The following POU4F3 variants were observed in gnomAD, a reference collection of about 807,000 sequenced individuals.
POU4F3 encodes the protein POU domain, class 4, transcription factor 3.
POU4F3 carries 7 observed loss-of-function variants against 22.0 expected under a neutral mutation model. The ratio of observed to expected loss-of-function variants is 0.32; its 90% confidence interval spans 0.18 to 0.60. The LOEUF (loss-of-function observed/expected upper bound fraction) is 0.60, where lower values mean the gene tolerates loss of function less well. Among genes scored for constraint, POU4F3 ranks in the 20% least tolerant of loss-of-function variants. The pLI is 0.85. For synonymous variants in POU4F3, 220 were observed against 194.5 expected (o/e 1.13, Z -1.09); for missense variants, 457 against 467.4 (o/e 0.98, Z 0.21).
chr5:146,339,942 C>T lies in POU4F3; in HGVS notation c.515C>T (p.Ala172Val), dbSNP rs766501773. Residue 172 changes from alanine (A) to valine (V), a missense_variant, in exon 2 of 2, where the codon GCC becomes GTC. This residue lies in a region of POU4F3 where 410 missense variants were observed against 385.0 expected (regional missense o/e 1.06). Transcript: ENST00000646991. The surrounding 1 kb of genome is among the most constrained non-coding windows in gnomAD (Gnocchi z 4.7). ...SHPHTVAPHS[A>V]MPACLSDVES... ...CCGCACACCGTGGCCCCTCATAGCG[C>T]CATGCCTGCATGCCTCAGCGACGTG... The T allele has an allele frequency of 3.7e-6, 6 of 1,610,878 alleles. No individual in the cohort carries two copies. The East Asian group carries it at 1.3e-4, about 36-fold the overall frequency.
chr5:146,340,643 T>A lies in POU4F3; in HGVS notation c.*199T>A, dbSNP rs1184762828. ...TTCCTTTCTATTCCCACCAAAAAAA[T>A]TTTGGCGCTGGGAAAATATTGCAGA... On this transcript the variant is annotated 3_prime_UTR_variant, in exon 2 of 2. Transcript: ENST00000646991. 4.1e-6 allele frequency: 3 copies of A among 727,288 alleles called. No homozygotes were observed. The highest frequency in any genetic ancestry group is 4.5e-6 in the Non-Finnish European group (2 of 448,726). The allele number at this position is 727,288 out of a possible 1,614,324, so 45.1% of individuals were successfully genotyped here.
At position 146,340,208 on chromosome 5, in the gene POU4F3, GAGA is replaced by G. The variant is rs754113627; in HGVS notation, c.786_788del (p.Lys262del). 16 of 1,614,180 alleles carry G rather than the reference GAGA, an allele frequency of 9.9e-6. No homozygotes were observed. The highest frequency in any genetic ancestry group is 3.3e-5 in the South Asian group (3 of 91,084). ...GGAGGAGGCCGAGGCCGCCTACCGAGAGAAGAACAGCAAGCCAGAGCTCTTCAA... is the reference window on the plus strand; with the variant it reads ...GGAGGAGGCCGAGGCCGCCTACCGAGAGAACAGCAAGCCAGAGCTCTTCAA... On this transcript the variant is annotated inframe_deletion, in exon 2 of 2. Transcript: ENST00000646991.
chr5:146,339,281 C>A lies in POU4F3; in HGVS notation c.120+49C>A. The A allele has an allele frequency of 1.2e-6, 2 of 1,612,054 alleles. No homozygotes were observed. Among genetic ancestry groups the A allele is most frequent in the Non-Finnish European group, 1.7e-6 (2 of 1,178,370 alleles). ...GCTCTAAGGCACATTTTTTGACAGG[C>A]ACTAGCTTCATGTTTTTTTCATGTC... On this transcript the variant is annotated intron_variant, in intron 1 of 1. Coordinates refer to ENST00000646991, the MANE Select transcript of POU4F3 (RefSeq NM_002700.3). This position sits in a 1 kb window ranked among gnomAD's most constrained non-coding sequence, Gnocchi z 4.7.
rs780488033 is a variant in POU4F3 at position 146,340,457 on chromosome 5, G to A, written c.*13G>A. ...GGCTGTCCACTGATTGCGGCAGGGC[G>A]CAGCGTCGGGAGCCGGGAGAGCCTA... is the stretch of plus-strand genomic sequence containing the variant. On this transcript the variant is annotated 3_prime_UTR_variant, in exon 2 of 2. Coordinates refer to ENST00000646991, the MANE Select transcript of POU4F3 (RefSeq NM_002700.3). 42 of 1,613,472 alleles carry A rather than the reference G, an allele frequency of 2.6e-5. 2 individuals are homozygous for A. The South Asian group carries it at 3.6e-4, about 14-fold the overall frequency.
rs1760416113 is a variant in POU4F3 at position 146,339,405 on chromosome 5, C to T, written c.121-143C>T. The T allele has an allele frequency of 1.4e-6, 2 of 1,481,160 alleles. No individual in the cohort carries two copies. The highest frequency in any genetic ancestry group is 1.9e-6 in the Non-Finnish European group (2 of 1,074,476). 91.8% of individuals were successfully genotyped at this position (1,481,160 alleles called of 1,614,324 possible). On this transcript the variant is annotated intron_variant, in intron 1 of 1. Transcript: ENST00000646991. The surrounding 1 kb of genome is among the most constrained non-coding windows in gnomAD (Gnocchi z 4.7). ...TCATTCATGTCTCTGATCCACACGT[C>T]TGTTCCAGCAGAGCCGCTGCCTCCG...
Position 146,339,531 on chromosome 5 carries a change from C to T in POU4F3, c.121-17C>T, listed in dbSNP as rs769936433. The T allele has an allele frequency of 2.5e-5, 41 of 1,614,120 alleles. No homozygotes were observed. Among genetic ancestry groups the T allele is most frequent in the Non-Finnish European group, 3.1e-5 (36 of 1,179,982 alleles). Reference sequence around the variant, plus strand: ...AGTATTCCCTACTGACCGTGCTGTGCGCCTTCTCGCTTGCAGCTGCAGGGT... The same window carrying T: ...AGTATTCCCTACTGACCGTGCTGTGTGCCTTCTCGCTTGCAGCTGCAGGGT... On this transcript the variant is annotated splice_polypyrimidine_tract_variant and intron_variant, in intron 1 of 1. Transcript: ENST00000646991. The surrounding 1 kb of genome is among the most constrained non-coding windows in gnomAD (Gnocchi z 4.7).
rs977319468 is a variant in POU4F3 at position 146,339,229 on chromosome 5, G to T, written c.117G>T (p.Pro39=). ...TGCGCCGAGTCTGTCTCCCAGCCCC[G>T]CAGGTACGTAGTGGAGCATAATTAC... ...EAMRRVCLPA[P]QLQGNIFGSF... The change falls in exon 1 of 2, where the codon CCG becomes CCT. Residue 39 remains proline, a synonymous_variant. Coordinates refer to ENST00000646991, the MANE Select transcript of POU4F3 (RefSeq NM_002700.3). The surrounding 1 kb of genome is among the most constrained non-coding windows in gnomAD (Gnocchi z 4.7). 3.7e-6 allele frequency: 6 copies of T among 1,614,080 alleles called. No individual in the cohort carries two copies. The highest frequency in any genetic ancestry group is 2.7e-5 in the African/African-American group (2 of 74,938).
chr5:146,340,483 GTGCTCA>G lies in POU4F3; in HGVS notation c.*41_*46del. The G allele has an allele frequency of 6.2e-7, 1 of 1,612,094 alleles. No individual in the cohort carries two copies. Among genetic ancestry groups the G allele is most frequent in the Non-Finnish European group, 8.5e-7 (1 of 1,179,642 alleles). On this transcript the variant is annotated 3_prime_UTR_variant, in exon 2 of 2. Transcript: ENST00000646991. ...CAGCGTCGGGAGCCGGGAGAGCCTAGTGCTCATCCCTCCCGGGTTCGGGGGATGGTT... is the reference window on the plus strand; with the variant it reads ...CAGCGTCGGGAGCCGGGAGAGCCTAGTCCCTCCCGGGTTCGGGGGATGGTT...
chr5:146,339,302 A>G lies in POU4F3; in HGVS notation c.120+70A>G, dbSNP rs1188028817. On this transcript the variant is annotated intron_variant, in intron 1 of 1. Transcript: ENST00000646991. The surrounding 1 kb of genome is among the most constrained non-coding windows in gnomAD (Gnocchi z 4.7). ...CAGGCACTAGCTTCATGTTTTTTTC[A>G]TGTCGCCCAGAACAATCGCCGCTGT... 1.2e-6 allele frequency: 2 copies of G among 1,604,850 alleles called. No homozygotes were observed. Among genetic ancestry groups the G allele is most frequent in the South Asian group, 2.2e-5 (2 of 90,756 alleles).
rs1760409809 is a variant in POU4F3 at position 146,339,109 on chromosome 5, G to A, written c.-4G>A. On this transcript the variant is annotated 5_prime_UTR_variant, in exon 1 of 2. Transcript: ENST00000646991. The surrounding 1 kb of genome is among the most constrained non-coding windows in gnomAD (Gnocchi z 4.7). ...CCCGCTGCCACCCTGCCAGGAGCGC[G>A]AAGATGATGGCCATGAACTCCAAGC... 5.0e-6 allele frequency: 8 copies of A among 1,614,094 alleles called. No individual in the cohort carries two copies. In the East Asian group the frequency reaches 1.8e-4, roughly 36 times the overall value.
chr5:146,338,891 C>T lies in POU4F3; in HGVS notation c.-222C>T. 1 of 722,540 alleles carries T rather than the reference C, an allele frequency of 1.4e-6. No individual in the cohort carries two copies. Among genetic ancestry groups the T allele is most frequent in the Non-Finnish European group, 2.3e-6 (1 of 434,134 alleles). The allele number at this position is 722,540 out of a possible 1,614,324, so 44.8% of individuals were successfully genotyped here. ...CTGTCTCTCCTCACCTCCCGGGCCG[C>T]CCCTGCGAGTCCCCGGCGCGTGAGC... On this transcript the variant is annotated 5_prime_UTR_variant, in exon 1 of 2. Transcript: ENST00000646991.
At position 146,338,936 on chromosome 5, in the gene POU4F3, C is replaced by A. The variant is rs1476301409; in HGVS notation, c.-177C>A. On this transcript the variant is annotated 5_prime_UTR_variant, in exon 1 of 2. Transcript: ENST00000646991. ...GTGAGCACGCCTGCGCGCGCCCGGG[C>A]CCTTCCTGGCAGGCTGCTTGTAAGA... The A allele has an allele frequency of 4.7e-6, 5 of 1,070,322 alleles. No individual in the cohort carries two copies. Among genetic ancestry groups the A allele is most frequent in the Non-Finnish European group, 6.8e-6 (5 of 730,898 alleles). The allele number at this position is 1,070,322 out of a possible 1,614,324, so 66.3% of individuals were successfully genotyped here. A position where few individuals can be genotyped will look rare whatever the true frequency, so the allele number is the denominator to read the frequency against.
In POU4F3 at chr5:146,339,825, G is replaced by A. The variant is rs1760424535; in HGVS notation, c.398G>A (p.Gly133Asp). ...ISPTLSVSGL[G>D]APEHSVMPAQ... ...CCCACGCTGAGTGTGAGCGGCCTGG[G>A]CGCTCCGGAACACTCGGTGATGCCC... Residue 133 changes from glycine to aspartate, a missense_variant, in exon 2 of 2, where the codon GGC becomes GAC. Around this residue, in one of 2 missense-constraint regions of POU4F3, gnomAD observed 410 missense variants for 385.0 expected, o/e 1.06. Transcript: ENST00000646991. The surrounding 1 kb of genome is among the most constrained non-coding windows in gnomAD (Gnocchi z 4.7). The A allele has an allele frequency of 6.2e-7, 1 of 1,609,260 alleles. No homozygotes were observed. Among genetic ancestry groups the A allele is most frequent in the East Asian group, 2.2e-5 (1 of 44,864 alleles).
chr5:146,340,024 C>G lies in POU4F3; in HGVS notation c.597C>G (p.Ile199Met). Reference protein sequence around the residue: ...AFAERFKQRRIKLGVTQADVG... With the variant: ...AFAERFKQRRMKLGVTQADVG... ...CCGAGCGCTTCAAGCAGCGGCGCAT[C>G]AAGCTGGGGGTGACCCAGGCGGACG... Residue 199 changes from isoleucine to methionine, a missense_variant, in exon 2 of 2, where the codon ATC becomes ATG. Ile to Met is a conservative substitution (Grantham distance 10). Around this residue, in one of 2 missense-constraint regions of POU4F3, gnomAD observed 410 missense variants for 385.0 expected, o/e 1.06. Coordinates refer to ENST00000646991, the MANE Select transcript of POU4F3 (RefSeq NM_002700.3). 6.2e-7 allele frequency: 1 copy of G among 1,613,972 alleles called. No individual in the cohort carries two copies. The highest frequency in any genetic ancestry group is 8.5e-7 in the Non-Finnish European group (1 of 1,180,034).
rs1056495220 is a variant in POU4F3, at chr5:146,338,858, G to A, written c.-255G>A. ...CGCCGCGGGCGCAGAAAGGCGCGCC[G>A]CTAGCTGCTGTCTCTCCTCACCTCC... On this transcript the variant is annotated 5_prime_UTR_variant, in exon 1 of 2. Coordinates refer to ENST00000646991, the MANE Select transcript of POU4F3 (RefSeq NM_002700.3). 1.6e-6 allele frequency: 1 copy of A among 626,914 alleles called. No individual in the cohort carries two copies. Among genetic ancestry groups the A allele is most frequent in the African/African-American group, 1.8e-5 (1 of 54,298 alleles). 38.8% of individuals were successfully genotyped at this position (626,914 alleles called of 1,614,324 possible). A position where few individuals can be genotyped will look rare whatever the true frequency, so the allele number is the denominator to read the frequency against.
In POU4F3 at chr5:146,339,633, G is replaced by C; in HGVS notation, c.206G>C (p.Gly69Ala). ...GCGGCGGTGGATATCGTCTCCCACG[G>C]CAAGAACCATCCGTTCAAGCCCGAC... ...ALAAVDIVSHGKNHPFKPDAT... is the reference protein window; with the variant it reads ...ALAAVDIVSHAKNHPFKPDAT... The change falls in exon 2 of 2, where the codon GGC (glycine) becomes GCC (alanine). Residue 69 changes from glycine (G) to alanine (A), a missense_variant. Coordinates refer to ENST00000646991, the MANE Select transcript of POU4F3 (RefSeq NM_002700.3). This position sits in a 1 kb window ranked among gnomAD's most constrained non-coding sequence, Gnocchi z 4.7. The C allele has an allele frequency of 1.2e-6, 2 of 1,614,150 alleles. No individual in the cohort carries two copies. Among genetic ancestry groups the C allele is most frequent in the Non-Finnish European group, 1.7e-6 (2 of 1,180,032 alleles).
rs1186692263 is a variant in POU4F3, at chr5:146,340,342, G to A, written c.915G>A (p.Ala305=). The change falls in exon 2 of 2, where the codon GCG becomes GCA. Residue 305 remains alanine, a synonymous_variant. Transcript: ENST00000646991. ...CACGTCCTTCATCTGAGAAGATCGC[G>A]GCCATCGCTGAGAAACTGGACCTTA... ...IQPRPSSEKI[A]AIAEKLDLKK... is the part of the protein sequence containing the mutation. 3 of 1,614,120 alleles carry A rather than the reference G, an allele frequency of 1.9e-6. No homozygotes were observed. The highest frequency in any genetic ancestry group is 2.2e-5 in the East Asian group (1 of 44,892).
In POU4F3 at chr5:146,339,268, A is replaced by C; in HGVS notation, c.120+36A>C. ...GAGCATAATTACCGCTCTAAGGCACATTTTTTGACAGGCACTAGCTTCATG... is the reference window on the plus strand; with the variant it reads ...GAGCATAATTACCGCTCTAAGGCACCTTTTTTGACAGGCACTAGCTTCATG... On this transcript the variant is annotated intron_variant, in intron 1 of 1. Transcript: ENST00000646991. The surrounding 1 kb of genome is among the most constrained non-coding windows in gnomAD (Gnocchi z 4.7). The C allele has an allele frequency of 6.2e-7, 1 of 1,613,632 alleles. No homozygotes were observed. The highest frequency in any genetic ancestry group is 2.2e-5 in the East Asian group (1 of 44,840).
At position 146,339,286 on chromosome 5, in the gene POU4F3, G is replaced by A. The variant is rs746240760; in HGVS notation, c.120+54G>A. 3 of 1,611,640 alleles carry A rather than the reference G, an allele frequency of 1.9e-6. No homozygotes were observed. Among genetic ancestry groups the A allele is most frequent in the Admixed American group, 3.3e-5 (2 of 60,018 alleles). On this transcript the variant is annotated intron_variant, in intron 1 of 1. Coordinates refer to ENST00000646991, the MANE Select transcript of POU4F3 (RefSeq NM_002700.3). The surrounding 1 kb of genome is among the most constrained non-coding windows in gnomAD (Gnocchi z 4.7). Reference sequence around the variant, plus strand: ...AAGGCACATTTTTTGACAGGCACTAGCTTCATGTTTTTTTCATGTCGCCCA... The same window carrying A: ...AAGGCACATTTTTTGACAGGCACTAACTTCATGTTTTTTTCATGTCGCCCA...
Sources: allele counts gnomAD v4.1 joint callset, GRCh38; gene constraint gnomAD v4.1.1; regional missense constraint gnomAD v4.1.1; non-coding constraint Gnocchi (gnomAD v3.1); transcripts MANE v1.5; gene names NCBI Gene and HGNC (gene_info 2026-07-23, HGNC 2026-07-21).